The following DCLK1 variants were observed in gnomAD, a reference collection of about 807,000 sequenced individuals.
The protein encoded by DCLK1 is serine/threonine-protein kinase DCLK1.
Under a neutral mutation model 86.2 loss-of-function variants are expected in DCLK1, and 16 were observed. That is an observed-to-expected ratio of 0.19 (90% confidence interval 0.13 to 0.28). The LOEUF is 0.28. Ranked by LOEUF, DCLK1 falls within the 10% of genes least tolerant of loss-of-function variation. The pLI is 1.00. For missense variants in DCLK1, 590 were observed against 940.2 expected, an observed-to-expected ratio of 0.63 and a Z score of 4.87; for synonymous variants, 369 against 370.5, an observed-to-expected ratio of 1.00 and a Z score of 0.05.
chr13:36,017,280 A>G (rs1400653210), intron 3 of DCLK1, among the ~76,000 whole-genome samples: 1 of 152,212 alleles, frequency 6.6e-6, no homozygotes, highest in Non-Finnish European at 1.5e-5. Flanking sequence ...AAGTGATCAT[A>G]TCCTTAAATA....
rs564425455 is a variant in DCLK1, at chr13:36,059,652, T to C, written c.723+52217A>G. Among the ~76,000 whole-genome samples, 22 of 152,216 alleles carry C rather than the reference T, an allele frequency of 1.4e-4. 1 individual carries two copies. In the South Asian group the frequency reaches 4.4e-3, roughly 30 times the overall value. On this transcript the variant is annotated intron_variant, in intron 3 of 16. Coordinates refer to ENST00000360631, the MANE Select transcript of DCLK1 (RefSeq NM_001330071.2). ...TGGGTAGCCAGAACTAATGGTGGGGTCTGACTGGTTTTCCAGTGTAATCCT... is the reference window on the plus strand; with the variant it reads ...TGGGTAGCCAGAACTAATGGTGGGGCCTGACTGGTTTTCCAGTGTAATCCT...
At chr13:35,910,632 A>G (rs536550377) in intron 4 of DCLK1, among the ~76,000 whole-genome samples, 10 of 152,308 alleles carry the variant, frequency 6.6e-5, no homozygotes, top group African/African-American at 2.4e-4. Context: ...TTTCTCTTTG[A>G]TAGACCTACA....
At chr13:35,884,450 A>G (rs1873106001) in intron 4 of DCLK1, among the ~76,000 whole-genome samples, 1 of 152,230 alleles carries the variant, frequency 6.6e-6, no homozygotes, top group Non-Finnish European at 1.5e-5. Context: ...TGAAAGCTAG[A>G]TAAGAAACAA....
intron 3 of DCLK1, among the ~76,000 whole-genome samples, chr13:36,016,878 G>A (rs377124236): frequency 3.3e-5 from 5 of 151,906 alleles, no homozygotes; most frequent in African/African-American, 9.7e-5. Context: ...TCTTTGACAC[G>A]GTGTGCGTAC....
chr13:36,118,185 A>G (rs904206104), intron 2 of DCLK1, among the ~76,000 whole-genome samples: 1 of 152,218 alleles, frequency 6.6e-6, no homozygotes, highest in African/African-American at 2.4e-5. Flanking sequence ...GCCCTGGGTG[A>G]TAAACAGGTT....
At chr13:35,819,878 AAG>A in intron 11 of DCLK1, among the ~76,000 whole-genome samples, 1 of 152,348 alleles carries the variant, frequency 6.6e-6, no homozygotes, top group East Asian at 1.9e-4. Flanking sequence ...ATTACAAAGA[AAG>A]GGGAAATTTT....
intron 6 of DCLK1, chr13:35,850,816 T>C (rs763368880): frequency 6.5e-7 from 1 of 1,543,184 alleles, no homozygotes; most frequent in Non-Finnish European, 8.7e-7. Flanking sequence ...TTACTCGGCT[T>C]TCTTGGGTGC....
intron 11 of DCLK1, among the ~76,000 whole-genome samples, chr13:35,820,547 G>A (rs746473149): frequency 2.0e-5 from 3 of 152,194 alleles, no homozygotes; most frequent in South Asian, 4.1e-4. Flanking sequence ...ACACTTCAGC[G>A]AGGAGTAAGT....
chr13:35,906,377 T>C (rs17183678), intron 4 of DCLK1, among the ~76,000 whole-genome samples: 6,954 of 151,702 alleles, frequency 0.046, 235 homozygotes, highest in Middle Eastern at 0.071. Flanking sequence ...GTCTGTTAAA[T>C]GAATAGAAAA....
intron 15 of DCLK1, among the ~76,000 whole-genome samples, chr13:35,798,106 CA>C (rs1245908460): frequency 6.6e-6 from 1 of 152,140 alleles, no homozygotes; most frequent in African/African-American, 2.4e-5. Flanking sequence ...CAGAGCATTG[CA>C]ACTGACACGA....
At chr13:35,991,133 C>A (rs1385080560) in intron 3 of DCLK1, among the ~76,000 whole-genome samples, 1 of 152,102 alleles carries the variant, frequency 6.6e-6, no homozygotes, top group Non-Finnish European at 1.5e-5. Context: ...GGTCATAAGA[C>A]CCTCATGGGA....
At chr13:36,125,039 C>T (rs567727007) in intron 2 of DCLK1, among the ~76,000 whole-genome samples, 2 of 152,212 alleles carry the variant, frequency 1.3e-5, no homozygotes, top group East Asian at 3.9e-4. Flanking sequence ...CATAAGATAC[C>T]AGGCTGCATC....
At chr13:35,852,548 T>C (rs1282877626) in intron 6 of DCLK1, among the ~76,000 whole-genome samples, 1 of 152,220 alleles carries the variant, frequency 6.6e-6, no homozygotes, top group East Asian at 1.9e-4. Flanking sequence ...AAGTATGGTG[T>C]TTGCACTGAT....
At chr13:35,788,140 A>C in intron 16 of DCLK1, 1 of 1,393,538 alleles carries the variant, frequency 7.2e-7, no homozygotes, top group Non-Finnish European at 1.0e-6. Flanking sequence ...TATCCACCGA[A>C]GGAACTGGTT....
At chr13:36,058,510 G>C (rs758366241) in intron 3 of DCLK1, among the ~76,000 whole-genome samples, 5 of 152,156 alleles carry the variant, frequency 3.3e-5, no homozygotes, top group Non-Finnish European at 7.3e-5. Flanking sequence ...ACTTAGTGAG[G>C]AAGGATGAAG....
At chr13:35,912,560 A>G (rs929739752) in intron 4 of DCLK1, among the ~76,000 whole-genome samples, 1 of 152,040 alleles carries the variant, frequency 6.6e-6, no homozygotes, top group Non-Finnish European at 1.5e-5. Context: ...GCTAGTGACA[A>G]CCGGACTTCA....
intron 4 of DCLK1, among the ~76,000 whole-genome samples, chr13:35,884,496 A>C (rs149276102): frequency 6.6e-4 from 101 of 152,354 alleles, no homozygotes; most frequent in Middle Eastern, 3.4e-3. Context: ...GAGAGCTAGA[A>C]AATGAATAAG....
intron 3 of DCLK1, among the ~76,000 whole-genome samples, chr13:36,078,290 T>C (rs1324086900): frequency 6.6e-6 from 1 of 152,218 alleles, no homozygotes; most frequent in Admixed American, 6.5e-5. Context: ...CCACCCAGTC[T>C]ATACTATTCT....
chr13:36,091,823 C>G (rs1484972979), intron 3 of DCLK1, among the ~76,000 whole-genome samples: 1 of 152,216 alleles, frequency 6.6e-6, no homozygotes, highest in Non-Finnish European at 1.5e-5. Context: ...TCCCCCACTA[C>G]TGGCATCATT....
Sources: allele counts gnomAD v4.1 joint callset (sites outside exome capture counted in the v4.1 genomes callset), GRCh38; gene constraint gnomAD v4.1.1; transcripts MANE v1.5; gene names NCBI Gene and HGNC (gene_info 2026-07-23, HGNC 2026-07-21).